Variants in TOPAZ1 observed in about 807,000 individuals in gnomAD.
TOPAZ1 encodes protein TOPAZ1.
In TOPAZ1, 66 loss-of-function variants were observed where a neutral mutation model predicts 172.2. The ratio of observed to expected loss-of-function variants is 0.38; its 90% CI spans 0.31 to 0.47. The LOEUF (loss-of-function observed/expected upper bound fraction) is 0.47. Ranked by LOEUF, TOPAZ1 falls within the 20% of genes least tolerant of loss-of-function variation. The pLI is 0.99. For synonymous variants in TOPAZ1, 681 were observed against 683.9 expected, an observed-to-expected ratio of 1.00 and a Z score of 0.07; for missense variants, 1,822 against 1,972.4, an observed-to-expected ratio of 0.92 and a Z score of 1.44.
chr3:44,316,052 T>C (rs951721495), intron 16 of TOPAZ1, among the ~76,000 whole-genome samples: 13 of 151,512 alleles, frequency 8.6e-5, no homozygotes, highest in African/African-American at 2.9e-4. Context: ...CTGGGCAACG[T>C]AGGGAGACTC....
chr3:44,328,722 A>G (rs747588422), intron 19 of TOPAZ1, among the ~76,000 whole-genome samples: 1 of 152,084 alleles, frequency 6.6e-6, no homozygotes. Context: ...TTAGGTACCA[A>G]CCTTTCTTGT....
At chr3:44,332,800 T>A (rs2029344), downstream of TOPAZ1, among the ~76,000 whole-genome samples, 2,119 of 11,762 alleles carry the variant, frequency 0.18, 35 homozygotes, top group South Asian at 0.37. Flanking sequence ...GACTGAAAGT[T>A]TTTTTTTTTT....
At chr3:44,269,659 C>T (rs181156157) in intron 7 of TOPAZ1, among the ~76,000 whole-genome samples, 2 of 151,326 alleles carry the variant, frequency 1.3e-5, no homozygotes, top group South Asian at 2.1e-4. Flanking sequence ...TTGCTCTTGT[C>T]GTCTAGGCTG....
intron 15 of TOPAZ1, 40 bp downstream of exon 15, chr3:44,306,466 T>A: frequency 1.7e-6 from 2 of 1,169,734 alleles, no homozygotes; most frequent in Non-Finnish European, 1.2e-6. Flanking sequence ...GTATAGAGAC[T>A]ACTAGTTTTA....
chr3:44,323,808 T>C (rs1472450533), intron 18 of TOPAZ1, among the ~76,000 whole-genome samples: 1 of 152,352 alleles, frequency 6.6e-6, no homozygotes, highest in Non-Finnish European at 1.5e-5. Flanking sequence ...TTACAGCTGT[T>C]GTTCTCTAAC....
At chr3:44,334,356 G>A (rs1046616611), downstream of TOPAZ1, among the ~76,000 whole-genome samples, 3 of 152,278 alleles carry the variant, frequency 2.0e-5, no homozygotes, top group East Asian at 5.8e-4. Flanking sequence ...GGGGTGTCAG[G>A]TCTGTCTGGC....
chr3:44,324,164 TTTAA>T (rs1490894726), intron 18 of TOPAZ1, among the ~76,000 whole-genome samples: 1 of 152,212 alleles, frequency 6.6e-6, no homozygotes, highest in Admixed American at 6.5e-5. Context: ...AGGTAGTAAG[TTTAA>T]TTATTTGATA....
At chr3:44,290,568 A>G (rs893346003) in intron 11 of TOPAZ1, among the ~76,000 whole-genome samples, 2 of 152,230 alleles carry the variant, frequency 1.3e-5, no homozygotes, top group Non-Finnish European at 2.9e-5. Context: ...AGAAAATCCA[A>G]AAACTTAATA....
intron 3 of TOPAZ1, 51 bp downstream of exon 3, chr3:44,255,080 C>A: frequency 7.6e-7 from 1 of 1,322,724 alleles, no homozygotes; most frequent in Non-Finnish European, 1.1e-6. Flanking sequence ...CTCTTTATAT[C>A]TCCATTCAGG....
intron 6 of TOPAZ1, among the ~76,000 whole-genome samples, chr3:44,268,363 A>ATTTTTTTTTT (rs1293339613): frequency 3.3e-5 from 3 of 91,756 alleles, no homozygotes; most frequent in Non-Finnish European, 4.4e-5. Context: ...TGTGGTGCCT[A>ATTTTTTTTTT]TTCTTTTTTT....
intron 2 of TOPAZ1, among the ~76,000 whole-genome samples, chr3:44,248,653 A>G (rs1699594106): frequency 1.3e-5 from 2 of 152,124 alleles, no homozygotes; most frequent in Admixed American, 6.5e-5. Flanking sequence ...AATTTCAGCT[A>G]TGTCCCTTTT....
At chr3:44,291,297 C>T (rs1700134670) in intron 12 of TOPAZ1, among the ~76,000 whole-genome samples, 1 of 148,868 alleles carries the variant, frequency 6.7e-6, no homozygotes, top group African/African-American at 2.5e-5. Flanking sequence ...TTGTGGGCCT[C>T]CAAAGACCTT....
chr3:44,269,297 TG>T lies in TOPAZ1; in HGVS notation c.3246+1del. On this transcript the variant is annotated frameshift_variant, in exon 7 of 20. Coordinates refer to ENST00000309765, the MANE Select transcript of TOPAZ1 (RefSeq NM_001145030.2). LOFTEE classifies it high-confidence loss of function. Reference protein sequence around the residue: ...TCEIFKREKNVGVFQKSLGLM... With the variant: ...TCEIFKREKNXGVFQKSLGLM... ...GAAATATTCAAGAGGGAAAAAAATGTGGGGGTAAGTCTACTTTAAAAAATAA... is the reference window on the plus strand; with the variant it reads ...GAAATATTCAAGAGGGAAAAAAATGTGGGGTAAGTCTACTTTAAAAAATAA... 1 of 1,531,478 alleles carries T rather than the reference TG, an allele frequency of 6.5e-7. No individual in the cohort carries two copies. Among genetic ancestry groups the T allele is most frequent in the Non-Finnish European group, 8.9e-7 (1 of 1,128,732 alleles). The allele number at this position is 1,531,478 out of a possible 1,614,324, so 94.9% of individuals were successfully genotyped here. A position where few individuals can be genotyped will look rare whatever the true frequency, so the allele number is the denominator to read the frequency against.
In TOPAZ1 at chr3:44,281,968, G is replaced by A; in HGVS notation, c.3373G>A (p.Val1125Ile). ...AHVPEQGDEK[V>I]CMDVFKKYIN... ...TTTACATTTTTCGTGACTTTTGCAGGTTTGCATGGATGTGTTTAAGAAATA... is the reference window on the plus strand; with the variant it reads ...TTTACATTTTTCGTGACTTTTGCAGATTTGCATGGATGTGTTTAAGAAATA... Residue 1125 changes from valine (V) to isoleucine (I), a missense_variant and splice_region_variant, in exon 9 of 20, where the codon GTT becomes ATT. Val to Ile is a conservative substitution (Grantham distance 29). Around this residue, in one of 2 missense-constraint regions of TOPAZ1, gnomAD observed 1,489 missense variants for 1,490.8 expected, o/e 1.00. Transcript: ENST00000309765. The A allele has an allele frequency of 1.3e-6, 2 of 1,544,038 alleles. No individual in the cohort carries two copies. Among genetic ancestry groups the A allele is most frequent in the Non-Finnish European group, 1.8e-6 (2 of 1,142,308 alleles).
intron 19 of TOPAZ1, among the ~76,000 whole-genome samples, chr3:44,329,602 A>T (rs1700641668): frequency 6.6e-6 from 1 of 152,224 alleles, no homozygotes; most frequent in Non-Finnish European, 1.5e-5. Context: ...CCACAGTTTC[A>T]TAGATGGTAG....
chr3:44,270,886 A>T, intron 8 of TOPAZ1, 76 bp downstream of exon 8: 5 of 1,351,628 alleles, frequency 3.7e-6, no homozygotes, highest in Non-Finnish European at 5.0e-6. Flanking sequence ...TTAGATTTTC[A>T]TTGACTCCTA....
At chr3:44,310,778 C>T (rs1256930884) in intron 16 of TOPAZ1, among the ~76,000 whole-genome samples, 7 of 152,208 alleles carry the variant, frequency 4.6e-5, no homozygotes, top group Admixed American at 1.3e-4. Flanking sequence ...TGTGCGTAAA[C>T]TCTATCTTCA....
chr3:44,330,849 C>G (rs1700659923), intron 19 of TOPAZ1, among the ~76,000 whole-genome samples: 1 of 152,182 alleles, frequency 6.6e-6, no homozygotes, highest in Non-Finnish European at 1.5e-5. Flanking sequence ...TCAGTGCAGT[C>G]ACAATTGATT....
At chr3:44,258,863 G>T (rs1042344380) in intron 4 of TOPAZ1, among the ~76,000 whole-genome samples, 1 of 152,088 alleles carries the variant, frequency 6.6e-6, no homozygotes, top group Non-Finnish European at 1.5e-5. Flanking sequence ...TATAGTAGTC[G>T]CATGTTAGGT....
Sources: gnomAD v4.1 joint callset for allele counts (sites outside exome capture counted in the v4.1 genomes callset) on GRCh38, gnomAD v4.1.1 for gene constraint, gnomAD v4.1.1 regional missense constraint, MANE v1.5 for transcripts, NCBI Gene and HGNC (gene_info 2026-07-23, HGNC 2026-07-21) for gene names.